Variants in ZP2 observed in about 807,000 individuals in gnomAD.
ZP2 encodes the protein zona pellucida glycoprotein 2.
A neutral mutation model predicts 84.0 loss-of-function variants in ZP2; 51 were observed. The ratio of observed to expected loss-of-function variants is 0.61; its 90% confidence interval spans 0.49 to 0.77. The LOEUF is 0.77. Among genes scored for constraint, ZP2 ranks in the 30% least tolerant of loss-of-function variants. The pLI, the probability that ZP2 is intolerant of heterozygous loss-of-function variation, is 0.00. For synonymous variants in ZP2, 375 were observed against 330.9 expected, an observed-to-expected ratio of 1.13 and a Z score of -1.45; for missense variants, 909 against 911.9, an observed-to-expected ratio of 1.00 and a Z score of 0.04.
At chr16:21,205,022 G>T (rs893411546) in intron 7 of ZP2, among the ~76,000 whole-genome samples, 2 of 152,268 alleles carry the variant, frequency 1.3e-5, no homozygotes, top group African/African-American at 4.8e-5. Flanking sequence ...TCGCTCTGTC[G>T]CCCAGGCTGG....
At chr16:21,212,579 A>G (rs768976398), upstream of ZP2, among the ~76,000 whole-genome samples, 2 of 152,208 alleles carry the variant, frequency 1.3e-5, no homozygotes, top group Non-Finnish European at 2.9e-5. Flanking sequence ...GTGGCATAAT[A>G]TTCAATTTGA....
At chr16:21,213,718 C>T (rs958181869), upstream of ZP2, among the ~76,000 whole-genome samples, 5 of 152,044 alleles carry the variant, frequency 3.3e-5, no homozygotes, top group African/African-American at 7.2e-5. Context: ...TACATCCCAG[C>T]GGAATTGGGA....
chr16:21,211,675 GA>G (rs2093276181), upstream of ZP2: 1 of 1,570,000 alleles, frequency 6.4e-7, no homozygotes, highest in East Asian at 2.3e-5. Flanking sequence ...TCTCCCAGCT[GA>G]AACGGAAGGA....
At chr16:21,206,023 G>C in intron 5 of ZP2, 1 of 527,984 alleles carries the variant, frequency 1.9e-6, no homozygotes, top group Non-Finnish European at 3.4e-6. Flanking sequence ...CCCCAAGATA[G>C]AGTTTCGCTC....
Position 21,201,554 on chromosome 16 carries a change from A to T in ZP2, c.1509T>A (p.Asn503Lys). 6.2e-7 allele frequency: 1 copy of T among 1,605,000 alleles called. No homozygotes were observed. The highest frequency in any genetic ancestry group is 8.5e-7 in the Non-Finnish European group (1 of 1,174,854). ...TTTCCCCATAAGGTTGTTGGTAGGA[A>T]TTATCTGAAATTGAATGGTATTCAA... ...FTLILQSYPD[N>K]SYQQPYGENE... The change falls in exon 14 of 19, where the codon AAT becomes AAA. Residue 503 changes from asparagine (N) to lysine (K), a missense_variant. Physicochemically the swap from Asn to Lys is moderately conservative, Grantham distance 94 (BLOSUM62 0). Coordinates refer to ENST00000574091, the MANE Select transcript of ZP2 (RefSeq NM_001376232.1).
In ZP2 at chr16:21,205,771, G is replaced by A. The variant is rs1395231500; in HGVS notation, c.488C>T (p.Ser163Phe). 5 of 1,613,904 alleles carry A rather than the reference G, an allele frequency of 3.1e-6. No individual in the cohort carries two copies. Among genetic ancestry groups the A allele is most frequent in the African/African-American group, 2.7e-5 (2 of 74,920 alleles). ...CAAGCCAGAGAAGACCCGTGGCAAG[G>A]AAAACTGGAAGAAAAGAATTGTGAT... ...TICQKDFMSF[S>F]LPRVFSGLAD... Residue 163 changes from serine to phenylalanine, a missense_variant, in exon 6 of 19, where the codon TCC (serine) becomes TTC (phenylalanine). Ser to Phe is a radical substitution (Grantham distance 155). Transcript: ENST00000574091.
At position 21,199,596 on chromosome 16, in the gene ZP2, C is replaced by A; in HGVS notation, c.1901G>T (p.Cys634Phe). The change falls in exon 16 of 19, where the codon TGC (cysteine) becomes TTC (phenylalanine). Residue 634 changes from cysteine (C) to phenylalanine (F), a missense_variant. Coordinates refer to ENST00000574091, the MANE Select transcript of ZP2 (RefSeq NM_001376232.1). ...TCGCCTGTGCCTAGAGGACACAGGG[C>A]AGGTCACAGAACACAGTGGGGAGTC... ...SPDSPLCSVT[C>F]PVSSRHRRAT... 1 of 1,612,798 alleles carries A rather than the reference C, an allele frequency of 6.2e-7. No homozygotes were observed. The highest frequency in any genetic ancestry group is 8.5e-7 in the Non-Finnish European group (1 of 1,179,526).
Position 21,201,920 on chromosome 16 carries a change from AT to A in ZP2, c.1379+11del. 1 of 1,613,174 alleles carries A rather than the reference AT, an allele frequency of 6.2e-7. No homozygotes were observed. The highest frequency in any genetic ancestry group is 1.1e-5 in the South Asian group (1 of 91,030). ...ACTAGAGCTTAAGAGTCAAATAGCA[AT>A]TTTATCTCACCTGAACTCACTGTCT... On this transcript the variant is annotated intron_variant, in intron 12 of 18. Transcript: ENST00000574091.
At chr16:21,209,409 T>C (rs766945016) in intron 4 of ZP2, among the ~76,000 whole-genome samples, 2 of 152,166 alleles carry the variant, frequency 1.3e-5, no homozygotes, top group Non-Finnish European at 2.9e-5. Flanking sequence ...CCTCAGGTGA[T>C]CCACCCGTCT....
intron 5 of ZP2, chr16:21,205,986 C>T: frequency 1.7e-6 from 1 of 585,132 alleles, no homozygotes; most frequent in Non-Finnish European, 3.1e-6. Flanking sequence ...AGCTCCTTTC[C>T]AGTTGTAAGT....
chr16:21,213,262 C>T (rs1047985601), upstream of ZP2, among the ~76,000 whole-genome samples: 9 of 152,206 alleles, frequency 5.9e-5, no homozygotes, highest in African/African-American at 1.7e-4. Context: ...CCAGGCTGGT[C>T]TCGAACTCCT....
intron 17 of ZP2, among the ~76,000 whole-genome samples, chr16:21,198,447 A>G (rs2093209716): frequency 6.6e-6 from 1 of 152,190 alleles, no homozygotes; most frequent in African/African-American, 2.4e-5. Flanking sequence ...AACTAGAAAT[A>G]AACCTATAGA....
upstream of ZP2, among the ~76,000 whole-genome samples, chr16:21,213,768 T>C (rs2093282762): frequency 6.6e-6 from 1 of 152,114 alleles, no homozygotes; most frequent in Admixed American, 6.5e-5. Flanking sequence ...GGGATAGAGA[T>C]GGTAAAAGGA....
At position 21,205,427 on chromosome 16, in the gene ZP2, T is replaced by C. The variant is rs2093244947; in HGVS notation, c.686A>G (p.His229Arg). Residue 229 changes from histidine (H) to arginine (R), a missense_variant, in exon 7 of 19, where the codon CAC becomes CGC. Coordinates refer to ENST00000574091, the MANE Select transcript of ZP2 (RefSeq NM_001376232.1). ...CCAGACTTCCACACCTACCACATAG[T>C]GAGTCACTCCAGTGGCATTGAATGG... ...HVPFNATGVT[H>R]YVQGNSHLYM... 1.9e-6 allele frequency: 3 copies of C among 1,613,828 alleles called. No homozygotes were observed. The highest frequency in any genetic ancestry group is 2.5e-6 in the Non-Finnish European group (3 of 1,179,994).
chr16:21,207,509 G>T (rs1469118109), intron 4 of ZP2, among the ~76,000 whole-genome samples: 1 of 152,090 alleles, frequency 6.6e-6, no homozygotes, highest in Non-Finnish European at 1.5e-5. Flanking sequence ...AGCCAGCTGG[G>T]CATGGTGGCT....
At chr16:21,206,662 CA>C (rs1248084556) in intron 5 of ZP2, among the ~76,000 whole-genome samples, 175 bp downstream of exon 5, 1 of 152,180 alleles carries the variant, frequency 6.6e-6, no homozygotes, top group Non-Finnish European at 1.5e-5. Context: ...ATTATTGTCC[CA>C]TCACTTTGGA....
chr16:21,204,517 G>A (rs756108435), intron 7 of ZP2, 113 bp from the exon 8 acceptor site: 24 of 802,336 alleles, frequency 3.0e-5, no homozygotes, highest in Non-Finnish European at 4.8e-5. Context: ...TTTGACACAA[G>A]TAGGATTTAA....
At chr16:21,207,665 CACACACACACACA>C (rs1397650287) in intron 4 of ZP2, among the ~76,000 whole-genome samples, 71 of 147,496 alleles carry the variant, frequency 4.8e-4, no homozygotes, top group African/African-American at 1.7e-3. Flanking sequence ...CACACACACA[CACACACACACACA>C]CACCACAAAA....
intron 7 of ZP2, 124 bp from the exon 8 acceptor site, chr16:21,204,528 G>A (rs2152855497): frequency 2.7e-6 from 2 of 737,302 alleles, no homozygotes; most frequent in Non-Finnish European, 4.5e-6. Flanking sequence ...TAGGATTTAA[G>A]CATTTGTCTA....
Sources: allele counts gnomAD v4.1 joint callset (sites outside exome capture counted in the v4.1 genomes callset), GRCh38; gene constraint gnomAD v4.1.1; transcripts MANE v1.5; gene names NCBI Gene and HGNC (gene_info 2026-07-23, HGNC 2026-07-21).